The following SPATA31F1 variants were observed in gnomAD, a reference collection of about 807,000 sequenced individuals.
SPATA31F1 encodes SPATA31 subfamily F member 1.
At chr9:34,726,312 G>A in the SPATA31F1 span, 2 of 1,532,392 alleles carry the variant, frequency 1.3e-6, no homozygotes, top group Non-Finnish European at 1.8e-6. Flanking sequence ...CGTCTTGGGA[G>A]CCCCCACCTC....
the SPATA31F1 span, chr9:34,723,737 C>T: frequency 2.6e-6 from 4 of 1,551,724 alleles, no homozygotes; most frequent in Non-Finnish European, 3.5e-6. Flanking sequence ...GAAAGGCTGA[C>T]CCTGTGAAGC....
chr9:34,723,330 T>G, the SPATA31F1 span: 7 of 1,551,664 alleles, frequency 4.5e-6, no homozygotes, highest in African/African-American at 1.4e-5. Flanking sequence ...CCAGGTTGTC[T>G]GGAGTGTAGC....
the SPATA31F1 span, chr9:34,724,070 G>A: frequency 6.6e-7 from 1 of 1,520,624 alleles, no homozygotes; most frequent in Non-Finnish European, 8.9e-7. Context: ...GTGGTCCCTG[G>A]CTGCTTTGGT....
chr9:34,723,223 G>C, the SPATA31F1 span: 1 of 1,550,120 alleles, frequency 6.5e-7, no homozygotes, highest in Non-Finnish European at 8.7e-7. Context: ...CTGAGGTGAG[G>C]GTCAGGAGCT....
At chr9:34,726,741 A>T in the SPATA31F1 span, 2 of 1,551,702 alleles carry the variant, frequency 1.3e-6, no homozygotes, top group Non-Finnish European at 1.7e-6. Context: ...GGGGTTACAG[A>T]TGACAGTGAA....
chr9:34,725,787 G>A, the SPATA31F1 span: 23 of 1,548,470 alleles, frequency 1.5e-5, no homozygotes, highest in Middle Eastern at 1.7e-4. Context: ...GCTGACTGGG[G>A]TGAAGTTTTA....
At chr9:34,728,129 G>T in the SPATA31F1 span, 1 of 1,525,020 alleles carries the variant, frequency 6.6e-7, no homozygotes, top group South Asian at 1.2e-5. Flanking sequence ...TAATTTCATA[G>T]GCATCCTATA....
the SPATA31F1 span, among the ~76,000 whole-genome samples, chr9:34,727,861 C>T: frequency 6.6e-6 from 1 of 152,144 alleles, no homozygotes; most frequent in African/African-American, 2.4e-5. Flanking sequence ...ACATGTGAAC[C>T]CCACTCTTCC....
chr9:34,728,855 C>G, the SPATA31F1 span, among the ~76,000 whole-genome samples: 1 of 152,152 alleles, frequency 6.6e-6, no homozygotes, highest in Admixed American at 6.5e-5. Flanking sequence ...CACTTGGAGG[C>G]TTTTCCAAAT....
chr9:34,729,378 A>G, the SPATA31F1 span: 20 of 1,551,574 alleles, frequency 1.3e-5, no homozygotes, highest in African/African-American at 5.5e-5. Flanking sequence ...GGAGCCATAG[A>G]TGTATAAGGG....
the SPATA31F1 span, chr9:34,726,422 G>C: frequency 6.4e-7 from 1 of 1,550,612 alleles, no homozygotes; most frequent in Middle Eastern, 1.7e-4. Context: ...CAAGGCCATT[G>C]GATGCATCCG....
the SPATA31F1 span, chr9:34,726,397 A>C: frequency 1.3e-6 from 2 of 1,548,438 alleles, no homozygotes; most frequent in Non-Finnish European, 1.7e-6. Context: ...GCAGGTGGGC[A>C]GGGAGGACCA....
At chr9:34,729,291 C>T in the SPATA31F1 span, 1 of 1,552,012 alleles carries the variant, frequency 6.4e-7, no homozygotes, top group Non-Finnish European at 8.7e-7. Context: ...TACCCGGCAG[C>T]AGCTCCTTTT....
the SPATA31F1 span, chr9:34,724,478 G>A: frequency 6.4e-5 from 99 of 1,551,632 alleles, 1 homozygote; most frequent in South Asian, 1.1e-3. Context: ...TATGTTCTCT[G>A]GTGCTGCAAC....
chr9:34,726,673 C>G, the SPATA31F1 span: 1 of 1,551,536 alleles, frequency 6.4e-7, no homozygotes, highest in East Asian at 2.4e-5. Flanking sequence ...CATCTGCATA[C>G]GTTGACTGGG....
chr9:34,729,455 A>G, the SPATA31F1 span: 1,020,072 of 1,530,868 alleles, frequency 0.67, 342,491 homozygotes, highest in South Asian at 0.79. Flanking sequence ...CATGAGATCA[A>G]CCATCCCTCT....
At chr9:34,725,036 T>C in the SPATA31F1 span, 2 of 1,552,002 alleles carry the variant, frequency 1.3e-6, no homozygotes, top group Non-Finnish European at 8.7e-7. Flanking sequence ...GGGCATAACT[T>C]TGTGATGCAG....
chr9:34,727,029 T>C, the SPATA31F1 span: 1 of 1,525,534 alleles, frequency 6.6e-7, no homozygotes, highest in South Asian at 1.2e-5. Flanking sequence ...TGGAGTGACA[T>C]CTGCCTTCTT....
At chr9:34,728,244 G>A in the SPATA31F1 span, among the ~76,000 whole-genome samples, 2 of 152,210 alleles carry the variant, frequency 1.3e-5, no homozygotes, top group South Asian at 2.1e-4. Flanking sequence ...GTAACACAAT[G>A]TCCCATATCT....
Sources: gnomAD v4.1 joint callset for allele counts (sites outside exome capture counted in the v4.1 genomes callset) on GRCh38, gnomAD v4.1.1 for gene constraint, MANE v1.5 for transcripts, NCBI Gene and HGNC (gene_info 2026-07-23, HGNC 2026-07-21) for gene names.